The following ZNF141 variants were observed in gnomAD, a reference collection of about 807,000 sequenced individuals.
The protein encoded by ZNF141 is zinc finger protein 141 (clone pHZ-44).
A neutral mutation model predicts 11.3 loss-of-function variants in ZNF141; 7 were observed. That is an observed-to-expected ratio of 0.62 (90% CI 0.35 to 1.16). The LOEUF is 1.16. ZNF141 is among the 50% of genes most tolerant of loss of function. ZNF141 has a pLI of 0.02. For missense variants in ZNF141, 535 were observed against 554.0 expected (o/e 0.97, Z 0.34); for synonymous variants, 183 against 190.7 (o/e 0.96, Z 0.33).
chr4:358,790 G>A (rs1291015867), intron 3 of ZNF141, among the ~76,000 whole-genome samples: 1 of 151,672 alleles, frequency 6.6e-6, no homozygotes, highest in African/African-American at 2.4e-5. Flanking sequence ...TGGCCAGGAT[G>A]GTCACGATCT....
In ZNF141 at chr4:379,072, T is replaced by G. The variant is rs1712499832; in HGVS notation, c.*5210T>G. On this transcript the variant is annotated 3_prime_UTR_variant, in exon 4 of 4. Transcript: ENST00000240499. ...GTTGGCCAGGCTGGTCTCGAGCTCC[T>G]GTCCTCGTGATCCACGCACGTCAGC... Among the ~76,000 whole-genome samples the G allele has an allele frequency of 6.6e-6, 1 of 152,002 alleles. No individual in the cohort carries two copies. The highest frequency in any genetic ancestry group is 1.5e-5 in the Non-Finnish European group (1 of 67,984).
At chr4:363,897 T>G (rs1711599555) in intron 3 of ZNF141, among the ~76,000 whole-genome samples, 1 of 152,194 alleles carries the variant, frequency 6.6e-6, no homozygotes, top group Non-Finnish European at 1.5e-5. Context: ...GTTTTTAGCT[T>G]GAAGGGCTGT....
chr4:371,644 A>G (rs782515689), intron 3 of ZNF141, among the ~76,000 whole-genome samples: 8 of 151,796 alleles, frequency 5.3e-5, no homozygotes, highest in Admixed American at 6.6e-5. Flanking sequence ...TGTTTACGCC[A>G]TTCTCCTGCC....
At chr4:357,174 G>C (rs1721881330) in intron 3 of ZNF141, among the ~76,000 whole-genome samples, 1 of 152,096 alleles carries the variant, frequency 6.6e-6, no homozygotes, top group African/African-American at 2.4e-5. Context: ...GCTCAGGCTG[G>C]TCTTGAACTC....
intron 3 of ZNF141, 146 bp downstream of exon 3, chr4:344,576 A>C: frequency 1.8e-6 from 1 of 552,278 alleles, no homozygotes; most frequent in Admixed American, 3.3e-5. Flanking sequence ...CAGGCGGATC[A>C]CGAGGTCAAG....
intron 1 of ZNF141, chr4:343,018 TGC>T: frequency 3.1e-6 from 2 of 638,090 alleles, no homozygotes; most frequent in Non-Finnish European, 4.6e-6. Flanking sequence ...AAAAGTTCCT[TGC>T]ATGATTAAAA....
In ZNF141 at chr4:377,777, A is replaced by AATTT. The variant is rs1553854875; in HGVS notation, c.*3916_*3917insTTTA. 6.6e-6 allele frequency among the ~76,000 whole-genome samples: 1 copy of AATTT among 152,216 alleles called. No homozygotes were observed. Among genetic ancestry groups the AATTT allele is most frequent in the Non-Finnish European group, 1.5e-5 (1 of 68,026 alleles). On this transcript the variant is annotated 3_prime_UTR_variant, in exon 4 of 4. Coordinates refer to ENST00000240499, the MANE Select transcript of ZNF141 (RefSeq NM_003441.4). Reference sequence around the variant, plus strand: ...TGTAAAATGTAACAAAAGTTAGAATAAGTAAAACATTAATATAAGTGGGTT... The same window carrying AATTT: ...TGTAAAATGTAACAAAAGTTAGAATAATTTAGTAAAACATTAATATAAGTGGGTT...
chr4:364,014 A>T lies in ZNF141; in HGVS notation c.227-8650A>T, dbSNP rs544088215. Among the ~76,000 whole-genome samples the T allele has an allele frequency of 1.3e-3, 196 of 152,250 alleles. 1 individual carries two copies. Among genetic ancestry groups the T allele is most frequent in the African/African-American group, 4.2e-3 (176 of 41,532 alleles). ...ACGTTTATTGATTTGTGTATGTTGAACCAGCCTTGCATCCCTGGGATGAAG... is the reference window on the plus strand; with the variant it reads ...ACGTTTATTGATTTGTGTATGTTGATCCAGCCTTGCATCCCTGGGATGAAG... On this transcript the variant is annotated intron_variant, in intron 3 of 3. Coordinates refer to ENST00000240499, the MANE Select transcript of ZNF141 (RefSeq NM_003441.4).
chr4:363,648 C>T (rs923294840), intron 3 of ZNF141, among the ~76,000 whole-genome samples: 9 of 151,866 alleles, frequency 5.9e-5, no homozygotes, highest in African/African-American at 1.4e-4. Flanking sequence ...GTCCCAGCTA[C>T]GCGGGAGGCT....
chr4:338,992 G>GGA (rs1720924968), intron 1 of ZNF141, among the ~76,000 whole-genome samples: 1 of 152,204 alleles, frequency 6.6e-6, no homozygotes, highest in Non-Finnish European at 1.5e-5. Context: ...GGGAGAGAGG[G>GGA]CGCTGAGAAC....
At position 373,449 on chromosome 4, in the gene ZNF141, C is replaced by T; in HGVS notation, c.1012C>T (p.Pro338Ser). Residue 338 changes from proline to serine, a missense_variant, in exon 4 of 4, where the codon CCC (proline) becomes TCC (serine). Physicochemically the swap from Pro to Ser is moderately conservative, Grantham distance 74. Coordinates refer to ENST00000240499, the MANE Select transcript of ZNF141 (RefSeq NM_003441.4). Reference protein sequence around the residue: ...KHKRIHTGEKPYTCEECGKAF... With the variant: ...KHKRIHTGEKSYTCEECGKAF... ...TAAGAGAATTCATACTGGAGAGAAA[C>T]CCTACACATGTGAAGAATGTGGCAA... 1.9e-6 allele frequency: 3 copies of T among 1,614,078 alleles called. No individual in the cohort carries two copies. Among genetic ancestry groups the T allele is most frequent in the Non-Finnish European group, 2.5e-6 (3 of 1,180,012 alleles).
At chr4:341,072 CTTT>C (rs34755542) in intron 1 of ZNF141, among the ~76,000 whole-genome samples, 1 of 142,884 alleles carries the variant, frequency 7.0e-6, no homozygotes, top group Non-Finnish European at 1.5e-5. Context: ...AAACATTTTT[CTTT>C]TTTTTTTTTT....
intron 1 of ZNF141, 49 bp downstream of exon 1, chr4:338,035 G>A (rs782265406): frequency 1.2e-6 from 2 of 1,611,400 alleles, no homozygotes; most frequent in Non-Finnish European, 1.7e-6. Flanking sequence ...TCTCATCGGA[G>A]CTGGCGGGAA....
intron 3 of ZNF141, among the ~76,000 whole-genome samples, chr4:362,638 C>T (rs1711547057): frequency 6.6e-6 from 1 of 152,150 alleles, no homozygotes; most frequent in South Asian, 2.1e-4. Context: ...ATAGGGAGTC[C>T]TTCCCCCATT....
Position 384,771 on chromosome 4 carries a change from G to T in ZNF141, c.*10909G>T, listed in dbSNP as rs570225835. Reference sequence around the variant, plus strand: ...ACTTCCTCGTTCTTGCCACATAAAAGACCCAGAACTCAGCCCCATTTCTGG... The same window carrying T: ...ACTTCCTCGTTCTTGCCACATAAAATACCCAGAACTCAGCCCCATTTCTGG... On this transcript the variant is annotated 3_prime_UTR_variant, in exon 4 of 4. Transcript: ENST00000240499. 1 of 152,280 alleles carries T rather than the reference G, an allele frequency of 6.6e-6. No individual in the cohort carries two copies. Among genetic ancestry groups the T allele is most frequent in the South Asian group, 2.1e-4 (1 of 4,820 alleles). 9.4% of individuals were successfully genotyped at this position (152,280 alleles called of 1,614,324 possible).
chr4:376,143 T>G lies in ZNF141; in HGVS notation c.*2281T>G, dbSNP rs1453687406. Among the ~76,000 whole-genome samples the G allele has an allele frequency of 6.6e-6, 1 of 152,096 alleles. No homozygotes were observed. Among genetic ancestry groups the G allele is most frequent in the Non-Finnish European group, 1.5e-5 (1 of 67,918 alleles). On this transcript the variant is annotated 3_prime_UTR_variant, in exon 4 of 4. Transcript: ENST00000240499. ...AATTGTTGCTTGAATGAAGTGTCAT[T>G]ATGCCACCAACTTAAACCTATCCCA... is the stretch of plus-strand genomic sequence containing the variant.
chr4:369,760 A>ATT (rs1240893040), intron 3 of ZNF141, among the ~76,000 whole-genome samples: 1 of 34,092 alleles, frequency 2.9e-5, no homozygotes, highest in Non-Finnish European at 5.0e-5. Context: ...ATATATATAT[A>ATT]TATATTTTTT....
intron 3 of ZNF141, chr4:358,357 T>C: frequency 3.0e-6 from 1 of 331,838 alleles, no homozygotes; most frequent in South Asian, 2.3e-5. Flanking sequence ...GGCTAATTTT[T>C]ATATTTTTAG....
intron 3 of ZNF141, among the ~76,000 whole-genome samples, chr4:364,312 A>C (rs1581614647): frequency 6.6e-6 from 1 of 152,172 alleles, no homozygotes; most frequent in Non-Finnish European, 1.5e-5. Flanking sequence ...CTGTGAATTC[A>C]TCTGGTCCTG....
Sources: allele counts gnomAD v4.1 joint callset (sites outside exome capture counted in the v4.1 genomes callset), GRCh38; gene constraint gnomAD v4.1.1; transcripts MANE v1.5; gene names NCBI Gene and HGNC (gene_info 2026-07-23, HGNC 2026-07-21).